Variants in LINGO2 observed in about 807,000 individuals in gnomAD.
LINGO2 encodes the protein leucine rich repeat and Ig domain containing 2.
LINGO2 carries 14 observed loss-of-function variants against 30.6 expected under a neutral mutation model. The ratio of observed to expected loss-of-function variants is 0.46; its 90% CI spans 0.30 to 0.72. The LOEUF (loss-of-function observed/expected upper bound fraction) is 0.72. LINGO2 is among the 30% of genes least tolerant of loss of function. LINGO2 has a pLI of 0.07. For missense variants in LINGO2, 729 were observed against 751.7 expected (o/e 0.97, Z 0.35); for synonymous variants, 317 against 288.5 (o/e 1.10, Z -1.00).
the LINGO2 span, among the ~76,000 whole-genome samples, chr9:28,771,543 G>T: frequency 5.4e-5 from 8 of 149,268 alleles, no homozygotes; most frequent in Non-Finnish European, 1.0e-4. Flanking sequence ...GTAGTATAAG[G>T]TTTGGAATTA....
chr9:27,949,835 G>A (rs1823549969), exon 6 of LINGO2: 6 of 1,614,004 alleles, frequency 3.7e-6, no homozygotes, highest in Non-Finnish European at 5.1e-6. Flanking sequence ...TGTAGGAGAG[G>A]TTAAGGTGAG....
intron 5 of LINGO2, among the ~76,000 whole-genome samples, chr9:27,973,480 G>A (rs567495788): frequency 1.3e-4 from 20 of 152,278 alleles, no homozygotes; most frequent in African/African-American, 2.6e-4. Context: ...CGCCTCAAAG[G>A]AAGGAATGGG....
At chr9:28,202,592 T>C (rs1820275578) in intron 4 of LINGO2, among the ~76,000 whole-genome samples, 1 of 152,106 alleles carries the variant, frequency 6.6e-6, no homozygotes, top group African/African-American at 2.4e-5. Flanking sequence ...TGCACTAACA[T>C]TTCCTTTATT....
the LINGO2 span, among the ~76,000 whole-genome samples, chr9:28,722,504 C>T: frequency 3.5e-4 from 53 of 152,148 alleles, no homozygotes; most frequent in African/African-American, 1.2e-3. Flanking sequence ...AAAGTTCAGT[C>T]AGTGGCATTT....
At chr9:28,827,247 T>C in the LINGO2 span, among the ~76,000 whole-genome samples, 1 of 152,188 alleles carries the variant, frequency 6.6e-6, no homozygotes, top group Non-Finnish European at 1.5e-5. Context: ...CTTTCCAATA[T>C]TCATGGTAAC....
chr9:28,002,848 T>C (rs1822031858), intron 5 of LINGO2, among the ~76,000 whole-genome samples: 1 of 152,158 alleles, frequency 6.6e-6, no homozygotes, highest in Non-Finnish European at 1.5e-5. Context: ...ATGTGCATGT[T>C]AGCTGCGTTG....
At chr9:28,436,147 T>G (rs1335921824) in intron 2 of LINGO2, among the ~76,000 whole-genome samples, 3 of 152,186 alleles carry the variant, frequency 2.0e-5, no homozygotes, top group Non-Finnish European at 4.4e-5. Context: ...AGCAACAACC[T>G]GTAATTGCAA....
At chr9:29,091,034 C>A in the LINGO2 span, among the ~76,000 whole-genome samples, 1 of 151,926 alleles carries the variant, frequency 6.6e-6, no homozygotes, top group Admixed American at 6.6e-5. Context: ...TTCTTCTGAG[C>A]CCAGTTAAGG....
intron 4 of LINGO2, among the ~76,000 whole-genome samples, chr9:28,234,570 C>G (rs920160734): frequency 6.6e-6 from 1 of 152,190 alleles, no homozygotes; most frequent in Admixed American, 6.5e-5. Flanking sequence ...ATAAAGCAGG[C>G]AGAAGAAAAT....
At chr9:29,118,478 C>T in the LINGO2 span, among the ~76,000 whole-genome samples, 17 of 152,274 alleles carry the variant, frequency 1.1e-4, no homozygotes, top group African/African-American at 3.1e-4. Context: ...ACACAACCAA[C>T]GATCTGGCAG....
At chr9:27,983,218 T>C (rs541756081) in intron 5 of LINGO2, among the ~76,000 whole-genome samples, 11 of 152,038 alleles carry the variant, frequency 7.2e-5, no homozygotes, top group African/African-American at 2.6e-4. Flanking sequence ...AGAAGCTCTA[T>C]GAATTTATAT....
chr9:29,172,201 T>C, the LINGO2 span, among the ~76,000 whole-genome samples: 1 of 151,928 alleles, frequency 6.6e-6, no homozygotes, highest in Non-Finnish European at 1.5e-5. Context: ...TTTTGATAGT[T>C]ATTCATTTTT....
intron 1 of LINGO2, among the ~76,000 whole-genome samples, chr9:28,651,895 T>C (rs1244520017): frequency 6.6e-6 from 1 of 152,206 alleles, no homozygotes; most frequent in Non-Finnish European, 1.5e-5. Flanking sequence ...GTTCTTTTAC[T>C]GGTTTATTAC....
chr9:28,887,070 C>T, the LINGO2 span, among the ~76,000 whole-genome samples: 10 of 152,042 alleles, frequency 6.6e-5, no homozygotes, highest in East Asian at 1.9e-4. Flanking sequence ...TGATTTCCAA[C>T]GAGTGAGGCA....
the LINGO2 span, among the ~76,000 whole-genome samples, chr9:28,910,244 A>T: frequency 6.6e-6 from 1 of 151,994 alleles, no homozygotes; most frequent in East Asian, 1.9e-4. Flanking sequence ...ATCGATTTTG[A>T]TTTGCTTTAT....
chr9:28,464,779 A>G (rs1825228984), intron 2 of LINGO2, among the ~76,000 whole-genome samples: 1 of 152,226 alleles, frequency 6.6e-6, no homozygotes, highest in Non-Finnish European at 1.5e-5. Flanking sequence ...TTTCCAAGAC[A>G]ACATTTCAAC....
chr9:28,215,617 A>T (rs1820739029), intron 4 of LINGO2, among the ~76,000 whole-genome samples: 1 of 150,476 alleles, frequency 6.6e-6, no homozygotes, highest in African/African-American at 2.4e-5. Flanking sequence ...TAAATTCAGT[A>T]AAAAAAAATG....
chr9:28,940,121 T>C, the LINGO2 span, among the ~76,000 whole-genome samples: 1 of 152,140 alleles, frequency 6.6e-6, no homozygotes, highest in African/African-American at 2.4e-5. Context: ...TACTGATTAT[T>C]GCATTTCCCA....
chr9:28,959,261 G>A, the LINGO2 span, among the ~76,000 whole-genome samples: 1 of 151,942 alleles, frequency 6.6e-6, no homozygotes, highest in Non-Finnish European at 1.5e-5. Context: ...GAAGATGGGA[G>A]GAAGAAAACA....
Sources: allele counts gnomAD v4.1 joint callset (sites outside exome capture counted in the v4.1 genomes callset), GRCh38; gene constraint gnomAD v4.1.1; transcripts MANE v1.5; gene names NCBI Gene and HGNC (gene_info 2026-07-23, HGNC 2026-07-21).